SNX29: variants seen among roughly 807,000 people sequenced by gnomAD.
SNX29 encodes sorting nexin 29.
In SNX29, 78 loss-of-function variants were observed where a neutral mutation model predicts 102.1. The ratio of observed to expected loss-of-function variants is 0.76; its 90% CI spans 0.64 to 0.92. The LOEUF (loss-of-function observed/expected upper bound fraction) is 0.92, where lower values mean the gene tolerates loss of function less well. Ranked by LOEUF, SNX29 falls within the 40% of genes least tolerant of loss-of-function variation. The pLI, the probability that SNX29 is intolerant of heterozygous loss-of-function variation, is 0.00. For missense variants in SNX29, 1,280 were observed against 1,061.7 expected (o/e 1.21, Z -2.86); for synonymous variants, 580 against 414.5 (o/e 1.40, Z -4.85).
At chr16:12,038,209 C>T (rs1441097446) in intron 4 of SNX29, among the ~76,000 whole-genome samples, 1 of 152,190 alleles carries the variant, frequency 6.6e-6, no homozygotes, top group African/African-American at 2.4e-5. Context: ...GTTCTCCCCA[C>T]TGTACAGATG....
chr16:12,078,741 C>T (rs145728717), intron 10 of SNX29, 92 bp from the exon 11 acceptor site: 220 of 1,031,072 alleles, frequency 2.1e-4, no homozygotes, highest in Non-Finnish European at 3.1e-4. Flanking sequence ...GTAGAGGTAC[C>T]GGAGTAAACC....
intron 14 of SNX29, among the ~76,000 whole-genome samples, chr16:12,209,017 C>T (rs1039754011): frequency 4.6e-5 from 7 of 152,064 alleles, no homozygotes; most frequent in East Asian, 3.9e-4. Context: ...GCACCAGTTG[C>T]GATAGAGGGA....
chr16:12,334,997 G>A (rs759710471), intron 15 of SNX29, among the ~76,000 whole-genome samples: 2 of 144,048 alleles, frequency 1.4e-5, no homozygotes, highest in Non-Finnish European at 3.0e-5. Flanking sequence ...TTCCGTCAGC[G>A]AATATGCGTC....
At chr16:12,122,401 G>A (rs1041282640) in intron 11 of SNX29, among the ~76,000 whole-genome samples, 7 of 152,086 alleles carry the variant, frequency 4.6e-5, no homozygotes, top group African/African-American at 1.7e-4. Flanking sequence ...GTCTCTGAGC[G>A]GAGGCAAGAG....
At chr16:12,157,755 T>C (rs1719219369) in intron 13 of SNX29, among the ~76,000 whole-genome samples, 1 of 152,114 alleles carries the variant, frequency 6.6e-6, no homozygotes, top group Non-Finnish European at 1.5e-5. Context: ...CTGGGAGGGC[T>C]TGAGTGGTGC....
At position 12,048,606 on chromosome 16, in the gene SNX29, G is replaced by A; in HGVS notation, c.734G>A (p.Arg245Lys). ...QETDPLPVVS[R>K]NVSADAKCKK... ...ACCGACCCCTTGCCTGTCGTGTCCA[G>A]GAATGTCAGTGCTGGTGAGTGGGAA... is the stretch of plus-strand genomic sequence containing the variant. Residue 245 changes from arginine to lysine, a missense_variant, in exon 7 of 21, where the codon AGG (arginine) becomes AAG (lysine). Transcript: ENST00000566228. 2 of 1,613,920 alleles carry A rather than the reference G, an allele frequency of 1.2e-6. No individual in the cohort carries two copies. Among genetic ancestry groups the A allele is most frequent in the African/African-American group, 1.3e-5 (1 of 75,030 alleles).
intron 18 of SNX29, among the ~76,000 whole-genome samples, chr16:12,408,797 G>T (rs901709130): frequency 6.6e-6 from 1 of 152,192 alleles, no homozygotes; most frequent in South Asian, 2.1e-4. Context: ...TCCAGCCTGG[G>T]GGACAGGAAC....
chr16:12,563,107 C>A (rs546099875), intron 20 of SNX29, among the ~76,000 whole-genome samples: 5 of 95,426 alleles, frequency 5.2e-5, no homozygotes, highest in Admixed American at 4.7e-4. Context: ...CGCACGCTAA[C>A]AACAGAGCCT....
At chr16:12,415,825 C>G (rs952630635) in intron 18 of SNX29, among the ~76,000 whole-genome samples, 1 of 152,234 alleles carries the variant, frequency 6.6e-6, no homozygotes, top group African/African-American at 2.4e-5. Flanking sequence ...AATGCCCACT[C>G]TCTCCTATAT....
intron 16 of SNX29, among the ~76,000 whole-genome samples, chr16:12,397,765 C>T (rs963335518): frequency 6.6e-6 from 1 of 152,152 alleles, no homozygotes; most frequent in Non-Finnish European, 1.5e-5. Flanking sequence ...AATCAGTTTC[C>T]TATCTGACAG....
chr16:12,172,904 C>G (rs2076180555), intron 13 of SNX29, among the ~76,000 whole-genome samples: 1 of 152,158 alleles, frequency 6.6e-6, no homozygotes, highest in South Asian at 2.1e-4. Context: ...CGCAGCTGCT[C>G]AACTCTGCCA....
At chr16:12,027,142 C>T (rs1011951453) in intron 3 of SNX29, among the ~76,000 whole-genome samples, 178 bp from the exon 4 acceptor site, 2 of 152,198 alleles carry the variant, frequency 1.3e-5, no homozygotes, top group East Asian at 1.9e-4. Flanking sequence ...AACATCAACA[C>T]GGGAGGTGTG....
intron 20 of SNX29, among the ~76,000 whole-genome samples, chr16:12,549,883 G>T (rs1210916960): frequency 6.6e-6 from 1 of 152,266 alleles, no homozygotes; most frequent in South Asian, 2.1e-4. Context: ...GTTCAGACTA[G>T]AACAGAGATC....
intron 13 of SNX29, among the ~76,000 whole-genome samples, chr16:12,171,967 C>T (rs1409936976): frequency 1.3e-5 from 2 of 152,140 alleles, no homozygotes; most frequent in African/African-American, 2.4e-5. Context: ...GACGAGGATG[C>T]GGTGAGAATT....
chr16:12,572,123 C>G lies in SNX29; in HGVS notation c.*3494C>G. ...GACTGGGTCTGATCACAGCCCTTGG[C>G]CCTGCTTCATACTTTGGAGCTTATT... is the stretch of plus-strand genomic sequence containing the variant. On this transcript the variant is annotated 3_prime_UTR_variant, in exon 21 of 21. Transcript: ENST00000566228. 9.7e-7 allele frequency: 1 copy of G among 1,031,368 alleles called. No homozygotes were observed. Among genetic ancestry groups the G allele is most frequent in the Non-Finnish European group, 1.2e-6 (1 of 848,838 alleles). The allele number at this position is 1,031,368 out of a possible 1,614,324, so 63.9% of individuals were successfully genotyped here.
chr16:12,021,224 G>C (rs1428240342), intron 3 of SNX29, among the ~76,000 whole-genome samples: 1 of 151,802 alleles, frequency 6.6e-6, no homozygotes, highest in Non-Finnish European at 1.5e-5. Context: ...AGGAGTTCGA[G>C]ACCAGCCTGG....
intron 13 of SNX29, among the ~76,000 whole-genome samples, chr16:12,187,184 C>T (rs2076531631): frequency 6.6e-6 from 1 of 152,252 alleles, no homozygotes; most frequent in African/African-American, 2.4e-5. Flanking sequence ...CCACCATTCA[C>T]AAGATGCCCC....
At chr16:11,994,342 C>T (rs143417977) in intron 1 of SNX29, among the ~76,000 whole-genome samples, 7 of 152,296 alleles carry the variant, frequency 4.6e-5, no homozygotes, top group Middle Eastern at 3.4e-3. Context: ...TGTTCTTGTT[C>T]ACCTGGTTGA....
chr16:12,440,831 A>T (rs2085767776), intron 18 of SNX29, among the ~76,000 whole-genome samples: 1 of 152,180 alleles, frequency 6.6e-6, no homozygotes, highest in East Asian at 1.9e-4. Context: ...TTCTTTAACC[A>T]GCGTATCATC....
Sources: gnomAD v4.1 joint callset for allele counts (sites outside exome capture counted in the v4.1 genomes callset) on GRCh38, gnomAD v4.1.1 for gene constraint, MANE v1.5 for transcripts, NCBI Gene and HGNC (gene_info 2026-07-23, HGNC 2026-07-21) for gene names.